The following ATP6V1C1 variants were observed in gnomAD, a reference collection of about 807,000 sequenced individuals.
The protein encoded by ATP6V1C1 is ATPase H+ transporting V1 subunit C1, also known as V-type proton ATPase subunit C 1.
Under a neutral mutation model 53.9 loss-of-function variants are expected in ATP6V1C1, and 45 were observed. The ratio of observed to expected loss-of-function variants is 0.83; its 90% CI spans 0.66 to 1.07. The LOEUF (loss-of-function observed/expected upper bound fraction) is 1.07. Among genes scored for constraint, ATP6V1C1 ranks in the 50% least tolerant of loss-of-function variants. The probability of loss-of-function intolerance (pLI) is 0.00; values close to 1 mark genes in which losing one functional copy is unlikely to be tolerated. For missense variants in ATP6V1C1, 315 were observed against 440.3 expected (o/e 0.72, Z 2.55); for synonymous variants, 153 against 155.2 (o/e 0.99, Z 0.11).
At chr8:103,032,011 AC>A (rs869248408) in intron 1 of ATP6V1C1, among the ~76,000 whole-genome samples, 3 of 83,964 alleles carry the variant, frequency 3.6e-5, no homozygotes, top group African/African-American at 9.5e-5. Flanking sequence ...TAAAAAAAAA[AC>A]AAAAAACAAA....
chr8:103,064,948 T>A, intron 11 of ATP6V1C1, 137 bp downstream of exon 11: 1 of 677,476 alleles, frequency 1.5e-6, no homozygotes, highest in East Asian at 2.8e-5. Context: ...ACAGAGATTA[T>A]CAGTATCATC....
At position 103,068,850 on chromosome 8, in the gene ATP6V1C1, T is replaced by A; in HGVS notation, c.*103T>A. 1 of 909,560 alleles carries A rather than the reference T, an allele frequency of 1.1e-6. No homozygotes were observed. Among genetic ancestry groups the A allele is most frequent in the Non-Finnish European group, 1.6e-6 (1 of 629,630 alleles). 56.3% of individuals were successfully genotyped at this position (909,560 alleles called of 1,614,324 possible). A position where few individuals can be genotyped will look rare whatever the true frequency, so the allele number is the denominator to read the frequency against. Reference sequence around the variant, plus strand: ...TTTAACTCTAGTATCCTTTGCTTGCTTCTTACGCCCTTTCCTAGGTGAATT... The same window carrying A: ...TTTAACTCTAGTATCCTTTGCTTGCATCTTACGCCCTTTCCTAGGTGAATT... On this transcript the variant is annotated 3_prime_UTR_variant, in exon 13 of 13. Transcript: ENST00000518738.
chr8:103,069,113 A>G lies in ATP6V1C1; in HGVS notation c.*366A>G, dbSNP rs536685688. 1 of 154,824 alleles carries G rather than the reference A, an allele frequency of 6.5e-6. No individual in the cohort carries two copies. Among genetic ancestry groups the G allele is most frequent in the African/African-American group, 2.4e-5 (1 of 41,682 alleles). 9.6% of individuals were successfully genotyped at this position (154,824 alleles called of 1,614,324 possible). A position where few individuals can be genotyped will look rare whatever the true frequency, so the allele number is the denominator to read the frequency against. ...TCACAGGGGAATGGTGTAAACATTT[A>G]TACTGTTTTGTTCACTGTATTTAGT... On this transcript the variant is annotated 3_prime_UTR_variant, in exon 13 of 13. Transcript: ENST00000518738.
chr8:103,025,699 A>G (rs1443180197), intron 1 of ATP6V1C1, among the ~76,000 whole-genome samples: 2 of 152,188 alleles, frequency 1.3e-5, no homozygotes, highest in African/African-American at 4.8e-5. Flanking sequence ...CTGTTCCCTC[A>G]TTTGCAAGTG....
intron 3 of ATP6V1C1, 78 bp from the exon 4 acceptor site, chr8:103,048,792 T>C (rs1023041771): frequency 1.6e-6 from 2 of 1,225,054 alleles, no homozygotes; most frequent in Admixed American, 1.8e-5. Flanking sequence ...TTCATGTCTT[T>C]ATGTAATATG....
intron 1 of ATP6V1C1, among the ~76,000 whole-genome samples, chr8:103,028,696 C>G (rs1816740255): frequency 6.6e-6 from 1 of 152,200 alleles, no homozygotes; most frequent in Admixed American, 6.5e-5. Context: ...ATATGCAGAA[C>G]TGGGATTAGA....
intron 11 of ATP6V1C1, among the ~76,000 whole-genome samples, chr8:103,065,769 C>T (rs998056473): frequency 6.6e-6 from 1 of 151,538 alleles, no homozygotes; most frequent in African/African-American, 2.4e-5. Flanking sequence ...GTAAGCCAGG[C>T]GTGGTGGCTC....
intron 8 of ATP6V1C1, among the ~76,000 whole-genome samples, chr8:103,062,490 A>G (rs903776324): frequency 2.0e-5 from 3 of 152,064 alleles, no homozygotes; most frequent in African/African-American, 7.2e-5. Context: ...TGATTGAGAG[A>G]TGTCATGGGA....
intron 1 of ATP6V1C1, among the ~76,000 whole-genome samples, chr8:103,032,319 C>G (rs1816813034): frequency 6.6e-6 from 1 of 152,162 alleles, no homozygotes; most frequent in Non-Finnish European, 1.5e-5. Context: ...TGCAACATAA[C>G]CCTGCAACCC....
At chr8:103,067,396 CAAAAA>C in intron 12 of ATP6V1C1, among the ~76,000 whole-genome samples, 1 of 71,940 alleles carries the variant, frequency 1.4e-5, no homozygotes, top group East Asian at 4.4e-4. Flanking sequence ...GACTCCGTCC[CAAAAA>C]AAAAAAAAAA....
At position 103,068,860 on chromosome 8, in the gene ATP6V1C1, C is replaced by G. The variant is rs550064209; in HGVS notation, c.*113C>G. The G allele has an allele frequency of 1.5e-6, 1 of 668,280 alleles. No individual in the cohort carries two copies. The highest frequency in any genetic ancestry group is 1.9e-5 in the African/African-American group (1 of 53,566). The allele number at this position is 668,280 out of a possible 1,614,324, so 41.4% of individuals were successfully genotyped here. ...GTATCCTTTGCTTGCTTCTTACGCC[C>G]TTTCCTAGGTGAATTCTCCCACAGT... is the stretch of plus-strand genomic sequence containing the variant. On this transcript the variant is annotated 3_prime_UTR_variant, in exon 13 of 13. Transcript: ENST00000518738.
intron 1 of ATP6V1C1, among the ~76,000 whole-genome samples, chr8:103,027,411 T>G: frequency 6.6e-6 from 1 of 152,216 alleles, no homozygotes; most frequent in South Asian, 2.1e-4. Flanking sequence ...TTTCTGTGGT[T>G]GCCCCTATCT....
intron 4 of ATP6V1C1, 74 bp downstream of exon 4, chr8:103,049,029 A>T: frequency 7.1e-7 from 1 of 1,407,710 alleles, no homozygotes; most frequent in Non-Finnish European, 9.9e-7. Flanking sequence ...ACAAAAAGTA[A>T]TGTAAAAAAG....
chr8:103,036,577 C>T lies in ATP6V1C1; in HGVS notation c.-39-4221C>T, dbSNP rs148778411. Among the ~76,000 whole-genome samples, 197 of 152,304 alleles carry T rather than the reference C, an allele frequency of 1.3e-3. 1 individual carries two copies. Among genetic ancestry groups the T allele is most frequent in the African/African-American group, 4.6e-3 (190 of 41,564 alleles). On this transcript the variant is annotated intron_variant, in intron 1 of 12. Transcript: ENST00000518738. ...AGAGAACTTCTATCATATTTTTAGA[C>T]TGTAGTTTTGATCAGAATTTATCAT...
intron 1 of ATP6V1C1, among the ~76,000 whole-genome samples, chr8:103,034,558 T>C (rs1457878504): frequency 1.4e-5 from 2 of 146,232 alleles, no homozygotes; most frequent in African/African-American, 5.2e-5. Flanking sequence ...TGTTCTTAAA[T>C]TTCAAGGATA....
At chr8:103,031,135 A>C (rs1348594886) in intron 1 of ATP6V1C1, among the ~76,000 whole-genome samples, 1 of 152,216 alleles carries the variant, frequency 6.6e-6, no homozygotes, top group Non-Finnish European at 1.5e-5. Context: ...CAGTGTTTTA[A>C]CAGAAAACAT....
At chr8:103,067,756 T>C (rs1337955045) in intron 12 of ATP6V1C1, among the ~76,000 whole-genome samples, 2 of 151,858 alleles carry the variant, frequency 1.3e-5, no homozygotes, top group African/African-American at 2.4e-5. Flanking sequence ...GGCTAATTTT[T>C]GTATTTTTAG....
At chr8:103,030,242 C>G (rs776352848) in intron 1 of ATP6V1C1, among the ~76,000 whole-genome samples, 16 of 151,960 alleles carry the variant, frequency 1.1e-4, no homozygotes, top group Admixed American at 2.0e-4. Context: ...CAGTAGTACT[C>G]CAGTCTTTTA....
chr8:103,036,165 C>T (rs1038066862), intron 1 of ATP6V1C1, among the ~76,000 whole-genome samples: 1 of 152,232 alleles, frequency 6.6e-6, no homozygotes, highest in African/African-American at 2.4e-5. Context: ...ATAGAGAGAA[C>T]ATGGTCTTTA....
Sources: allele counts gnomAD v4.1 joint callset (sites outside exome capture counted in the v4.1 genomes callset), GRCh38; gene constraint gnomAD v4.1.1; transcripts MANE v1.5; gene names NCBI Gene and HGNC (gene_info 2026-07-23, HGNC 2026-07-21).